Variants in SLC28A1 observed in about 807,000 individuals in gnomAD.
SLC28A1 encodes solute carrier family 28 member 1.
A neutral mutation model predicts 74.8 loss-of-function variants in SLC28A1; 64 were observed. The ratio of observed to expected loss-of-function variants is 0.86; its 90% CI spans 0.70 to 1.05. SLC28A1 has a LOEUF of 1.05. Ranked by LOEUF, SLC28A1 falls within the 50% of genes least tolerant of loss-of-function variation. The pLI is 0.00. For missense variants in SLC28A1, 828 were observed against 822.8 expected, an observed-to-expected ratio of 1.01 and a Z score of -0.08; for synonymous variants, 359 against 335.0, an observed-to-expected ratio of 1.07 and a Z score of -0.78.
At chr15:84,897,852 T>G (rs893870775) in intron 6 of SLC28A1, among the ~76,000 whole-genome samples, 1 of 152,254 alleles carries the variant, frequency 6.6e-6, no homozygotes, top group African/African-American at 2.4e-5. Flanking sequence ...ATGTACTTTT[T>G]AAGCTCCCAC....
chr15:84,953,830 G>A, the SLC28A1 span, among the ~76,000 whole-genome samples: 1 of 152,178 alleles, frequency 6.6e-6, no homozygotes, highest in African/African-American at 2.4e-5. Context: ...TATTACTTAG[G>A]ATTCTTTTGG....
the SLC28A1 span, among the ~76,000 whole-genome samples, chr15:84,973,595 A>T: frequency 6.6e-6 from 1 of 152,148 alleles, no homozygotes; most frequent in South Asian, 2.1e-4. Flanking sequence ...CAGTTCAGGG[A>T]AGTGCTCTTG....
intron 6 of SLC28A1, chr15:84,896,140 C>T (rs1330499370): frequency 5.4e-6 from 1 of 185,036 alleles, no homozygotes; most frequent in Non-Finnish European, 1.0e-5. Context: ...AACTGGACTT[C>T]ATAAAAGCTA....
intron 12 of SLC28A1, among the ~76,000 whole-genome samples, chr15:84,932,730 G>A (rs775363274): frequency 3.9e-5 from 6 of 152,196 alleles, no homozygotes; most frequent in Non-Finnish European, 7.3e-5. Context: ...CACTAAGGGG[G>A]AAACCTCAGC....
intron 6 of SLC28A1, among the ~76,000 whole-genome samples, chr15:84,902,598 G>A (rs1034228221): frequency 1.6e-4 from 25 of 152,116 alleles, no homozygotes; most frequent in African/African-American, 3.9e-4. Context: ...TCTTGATTGC[G>A]GTGATGGTTT....
the SLC28A1 span, among the ~76,000 whole-genome samples, chr15:84,956,422 C>T: frequency 1.4e-5 from 2 of 145,186 alleles, no homozygotes; most frequent in African/African-American, 5.1e-5. Context: ...TCCTTCCTTC[C>T]TTCTTTCTCT....
chr15:84,893,556 C>T (rs543928303), intron 5 of SLC28A1, among the ~76,000 whole-genome samples: 15 of 128,406 alleles, frequency 1.2e-4, no homozygotes, highest in African/African-American at 3.7e-4. Flanking sequence ...TTCATCCCTT[C>T]CTCTGGGGGT....
At chr15:84,973,703 C>A in the SLC28A1 span, among the ~76,000 whole-genome samples, 1 of 152,178 alleles carries the variant, frequency 6.6e-6, no homozygotes, top group African/African-American at 2.4e-5. Flanking sequence ...TGTAATTATA[C>A]GCTCGCGTAG....
chr15:84,972,378 C>G, the SLC28A1 span, among the ~76,000 whole-genome samples: 1 of 152,178 alleles, frequency 6.6e-6, no homozygotes, highest in African/African-American at 2.4e-5. Flanking sequence ...GGCAAGTCAC[C>G]TCCCTGGTGT....
intron 15 of SLC28A1, among the ~76,000 whole-genome samples, chr15:84,936,156 C>T (rs1037243476): frequency 2.7e-5 from 4 of 150,688 alleles, no homozygotes; most frequent in Admixed American, 6.6e-5. Context: ...GGGGTTTCAT[C>T]GTGGTCTTGA....
In SLC28A1 at chr15:84,945,273, C is replaced by G; in HGVS notation, c.*73C>G. 1 of 1,418,676 alleles carries G rather than the reference C, an allele frequency of 7.0e-7. No homozygotes were observed. Among genetic ancestry groups the G allele is most frequent in the Non-Finnish European group, 9.9e-7 (1 of 1,005,168 alleles). The allele number at this position is 1,418,676 out of a possible 1,614,324, so 87.9% of individuals were successfully genotyped here. A position where few individuals can be genotyped will look rare whatever the true frequency, so the allele number is the denominator to read the frequency against. ...CGGGAACCATCTGTCCCCACCTTCC[C>G]TTTCCCAGAGCCCTCTTCAGGGAAG... On this transcript the variant is annotated 3_prime_UTR_variant, in exon 19 of 19. Transcript: ENST00000394573.
chr15:84,964,496 A>G, the SLC28A1 span, among the ~76,000 whole-genome samples: 1 of 152,216 alleles, frequency 6.6e-6, no homozygotes, highest in Admixed American at 6.5e-5. Context: ...CCCAATATCA[A>G]TTGCAAGTAA....
chr15:84,927,145 A>C (rs1297999653), intron 12 of SLC28A1, among the ~76,000 whole-genome samples: 1 of 28,662 alleles, frequency 3.5e-5, no homozygotes, highest in African/African-American at 2.2e-4. Flanking sequence ...GAGGCCTAGA[A>C]AAGGGCTCAT....
At chr15:84,957,341 A>C in the SLC28A1 span, among the ~76,000 whole-genome samples, 3 of 152,204 alleles carry the variant, frequency 2.0e-5, no homozygotes, top group African/African-American at 7.2e-5. Flanking sequence ...GTCTCCACTC[A>C]CTGCAACCTC....
intron 9 of SLC28A1, among the ~76,000 whole-genome samples, chr15:84,909,589 T>TG (rs1003565255): frequency 1.3e-5 from 2 of 152,130 alleles, no homozygotes; most frequent in Non-Finnish European, 2.9e-5. Context: ...CCTAGTTCAT[T>TG]GTTTAAGCAC....
At chr15:84,911,421 T>G (rs574035435) in intron 9 of SLC28A1, among the ~76,000 whole-genome samples, 2 of 152,190 alleles carry the variant, frequency 1.3e-5, no homozygotes, top group African/African-American at 4.8e-5. Context: ...GCACAGTGAG[T>G]TGGCGCAGAG....
chr15:84,952,795 G>A, the SLC28A1 span, among the ~76,000 whole-genome samples: 3 of 152,152 alleles, frequency 2.0e-5, no homozygotes, highest in East Asian at 1.9e-4. Flanking sequence ...GGAGGTCGAG[G>A]CTGCAGTGAG....
the SLC28A1 span, among the ~76,000 whole-genome samples, chr15:84,958,165 T>TTG: frequency 1.3e-5 from 2 of 152,214 alleles, no homozygotes; most frequent in African/African-American, 4.8e-5. Flanking sequence ...CCAGAGAAAA[T>TTG]TGTTTATATA....
intron 12 of SLC28A1, among the ~76,000 whole-genome samples, chr15:84,927,506 T>A (rs1355722550): frequency 6.6e-6 from 1 of 151,788 alleles, no homozygotes; most frequent in African/African-American, 2.4e-5. Flanking sequence ...TCTCTGAGCA[T>A]TTTTTCCTTC....
Sources: allele counts gnomAD v4.1 joint callset (sites outside exome capture counted in the v4.1 genomes callset), GRCh38; gene constraint gnomAD v4.1.1; transcripts MANE v1.5; gene names NCBI Gene and HGNC (gene_info 2026-07-23, HGNC 2026-07-21).